WDR91: variants seen among roughly 807,000 people sequenced by gnomAD.
WDR91 encodes WD repeat domain 91.
A neutral mutation model predicts 88.4 loss-of-function variants in WDR91; 52 were observed. The ratio of observed to expected loss-of-function variants is 0.59; its 90% CI spans 0.47 to 0.74. WDR91 has a LOEUF of 0.74. Ranked by LOEUF, WDR91 falls within the 30% of genes least tolerant of loss-of-function variation. The pLI, the probability that WDR91 is intolerant of heterozygous loss-of-function variation, is 0.00. For synonymous variants in WDR91, 362 were observed against 389.5 expected, an observed-to-expected ratio of 0.93 and a Z score of 0.83; for missense variants, 824 against 954.5, an observed-to-expected ratio of 0.86 and a Z score of 1.80.
At position 135,194,403 on chromosome 7, in the gene WDR91, TGTG is replaced by T. The variant is rs1333944128; in HGVS notation, c.1395+528_1395+530del. On this transcript the variant is annotated intron_variant, in intron 9 of 14. Coordinates refer to ENST00000354475, the MANE Select transcript of WDR91 (RefSeq NM_014149.4). The stretch of plus-strand genomic sequence containing the variant: ...AAAACAGGGTTTGCATCTTGGGCTA[TGTG>T]GTATGATCCCCACAAATGAAGTAAA... Among the ~76,000 whole-genome samples the T allele has an allele frequency of 4.6e-5, 7 of 152,344 alleles. 2 individuals are homozygous for T. Among genetic ancestry groups the T allele is most frequent in the African/African-American group, 1.7e-4 (7 of 41,580 alleles).
At chr7:135,208,272 C>A (rs292598) in intron 3 of WDR91, among the ~76,000 whole-genome samples, 99,081 of 151,962 alleles carry the variant, frequency 0.65, 32,913 homozygotes, top group Admixed American at 0.77. Flanking sequence ...TCCCCCTCTC[C>A]AATACCCGCA....
chr7:135,186,121 G>C lies in WDR91; in HGVS notation c.*30C>G. On this transcript the variant is annotated 3_prime_UTR_variant, in exon 15 of 15. Transcript: ENST00000354475. The stretch of plus-strand genomic sequence containing the variant: ...TCCTCCCCCCACCGCAGATAATACT[G>C]CTTCCTCGGGTGGCCCTTGGGGCAA... 1 of 1,567,154 alleles carries C rather than the reference G, an allele frequency of 6.4e-7. No homozygotes were observed. Among genetic ancestry groups the C allele is most frequent in the Non-Finnish European group, 8.6e-7 (1 of 1,160,818 alleles).
At chr7:135,198,234 CG>C (rs1038792734) in intron 6 of WDR91, 83 bp from the exon 7 acceptor site, 16 of 1,164,456 alleles carry the variant, frequency 1.4e-5, no homozygotes, top group Middle Eastern at 3.0e-4. Context: ...CAGCCCTGGG[CG>C]GGGGGGCGTG....
At chr7:135,204,133 A>G (rs1417549613) in intron 6 of WDR91, 135 bp downstream of exon 6, 1 of 993,732 alleles carries the variant, frequency 1.0e-6, no homozygotes, top group Non-Finnish European at 1.4e-6. Flanking sequence ...TTCAATTCAG[A>G]ATCTCATCAA....
chr7:135,193,207 G>C (rs759256676), intron 11 of WDR91, 24 bp downstream of exon 11: 3 of 1,610,784 alleles, frequency 1.9e-6, no homozygotes, highest in Non-Finnish European at 1.7e-6. Context: ...TGGCCCCAGA[G>C]AGAGCCACAG....
chr7:135,189,409 G>A lies in WDR91; in HGVS notation c.1703C>T (p.Thr568Ile), dbSNP rs754202092. 3 of 1,613,960 alleles carry A rather than the reference G, an allele frequency of 1.9e-6. No individual in the cohort carries two copies. The highest frequency in any genetic ancestry group is 2.2e-5 in the South Asian group (2 of 91,064). The change falls in exon 12 of 15, where the codon ACA becomes ATA. Residue 568 changes from threonine to isoleucine, a missense_variant. Physicochemically the swap from Thr to Ile is moderately conservative, Grantham distance 89. Coordinates refer to ENST00000354475, the MANE Select transcript of WDR91 (RefSeq NM_014149.4). ...CAGGTTCCCGTTGTGATTGAAGGCTGTACAGTTGATAGCAATGGGTTCTGG... is the reference window on the plus strand; with the variant it reads ...CAGGTTCCCGTTGTGATTGAAGGCTATACAGTTGATAGCAATGGGTTCTGG... ...LDPEPIAINC[T>I]AFNHNGNLLV... is the part of the protein sequence containing the mutation.
chr7:135,195,068 T>A lies in WDR91; in HGVS notation c.1261A>T (p.Arg421Trp). The part of the protein sequence containing the change: ...IMHCRVDCSG[R>W]RVASLDVDGV... ...TCTACGTCTAAGCTGGCGACTCTCC[T>A]CCCAGAGCAGTCCACTCTGAGATGA... is the stretch of plus-strand genomic sequence containing the variant. The change falls in exon 9 of 15, where the codon AGG (arginine) becomes TGG (tryptophan). Residue 421 changes from arginine (R) to tryptophan (W), a missense_variant. Transcript: ENST00000354475. The A allele has an allele frequency of 6.2e-7, 1 of 1,613,432 alleles. No individual in the cohort carries two copies. The highest frequency in any genetic ancestry group is 1.7e-4 in the Middle Eastern group (1 of 5,842).
intron 6 of WDR91, 74 bp from the exon 7 acceptor site, chr7:135,198,225 A>C: frequency 6.6e-7 from 1 of 1,521,344 alleles, no homozygotes; most frequent in African/African-American, 1.4e-5. Context: ...AGGAGTGGTC[A>C]GCCCTGGGCG....
intron 11 of WDR91, among the ~76,000 whole-genome samples, chr7:135,192,609 G>A (rs1831210830): frequency 6.6e-6 from 1 of 152,194 alleles, no homozygotes; most frequent in Non-Finnish European, 1.5e-5. Flanking sequence ...TGAACATCTG[G>A]AACAGGAACC....
At position 135,193,095 on chromosome 7, in the gene WDR91, A is replaced by G; in HGVS notation, c.1659+136T>C. On this transcript the variant is annotated intron_variant, in intron 11 of 14. Coordinates refer to ENST00000354475, the MANE Select transcript of WDR91 (RefSeq NM_014149.4). Reference sequence around the variant, plus strand: ...CTAACAATCTGCCCAGTTGGAGTACACTACTTTTCAACACTCAAAACTTTA... The same window carrying G: ...CTAACAATCTGCCCAGTTGGAGTACGCTACTTTTCAACACTCAAAACTTTA... 5 of 1,292,810 alleles carry G rather than the reference A, an allele frequency of 3.9e-6. No homozygotes were observed. The South Asian group carries it at 4.4e-5, about 11-fold the overall frequency. The allele number at this position is 1,292,810 out of a possible 1,614,324, so 80.1% of individuals were successfully genotyped here.
chr7:135,203,954 C>T (rs1050359607), intron 6 of WDR91, among the ~76,000 whole-genome samples: 2 of 152,226 alleles, frequency 1.3e-5, no homozygotes, highest in African/African-American at 4.8e-5. Flanking sequence ...ACCACAGTGC[C>T]TGCAGTCTAG....
chr7:135,196,484 G>T lies in WDR91; in HGVS notation c.1051-147C>A. ...GAGAGGAGAGCTCTGACCTGCGAGG[G>T]TAGTGCTCAGCTCACCCTGGGAGAG... On this transcript the variant is annotated intron_variant, in intron 7 of 14. Transcript: ENST00000354475. This position sits in a 1 kb window ranked among gnomAD's most constrained non-coding sequence, Gnocchi z 4.2. 1.3e-6 allele frequency: 1 copy of T among 747,926 alleles called. No individual in the cohort carries two copies. The allele number at this position is 747,926 out of a possible 1,614,324, so 46.3% of individuals were successfully genotyped here. A position where few individuals can be genotyped will look rare whatever the true frequency, so the allele number is the denominator to read the frequency against.
chr7:135,202,210 T>A (rs1286042020), intron 6 of WDR91: 3 of 152,234 alleles, frequency 2.0e-5, no homozygotes, highest in Admixed American at 6.5e-5. Context: ...ATCCAGACAC[T>A]GTACTCCTAT....
intron 3 of WDR91, among the ~76,000 whole-genome samples, chr7:135,207,839 T>C (rs2117721490): frequency 6.6e-6 from 1 of 152,264 alleles, no homozygotes; most frequent in East Asian, 1.9e-4. Flanking sequence ...CTAGAGCCCA[T>C]ATGTGTGTAA....
At chr7:135,189,659 C>T (rs1831088353) in intron 11 of WDR91, among the ~76,000 whole-genome samples, 1 of 152,232 alleles carries the variant, frequency 6.6e-6, no homozygotes, top group South Asian at 2.1e-4. Context: ...TGCCTAAATA[C>T]ATTCTGGTTT....
chr7:135,197,863 T>C (rs1473480723), intron 7 of WDR91, 130 bp downstream of exon 7: 4 of 1,190,632 alleles, frequency 3.4e-6, no homozygotes, highest in South Asian at 1.7e-5. Flanking sequence ...ATACAAGCCA[T>C]TGAAACCAAT....
Position 135,196,039 on chromosome 7 carries a change from C to G in WDR91, c.1244+105G>C. On this transcript the variant is annotated intron_variant, in intron 8 of 14. Coordinates refer to ENST00000354475, the MANE Select transcript of WDR91 (RefSeq NM_014149.4). This position sits in a 1 kb window ranked among gnomAD's most constrained non-coding sequence, Gnocchi z 4.2. ...ACTCTACTGCCATGACTGTGGCCCT[C>G]GTCCAAGCCCCCATTCTCCGCCATC... 8.5e-7 allele frequency: 1 copy of G among 1,175,528 alleles called. No individual in the cohort carries two copies. Among genetic ancestry groups the G allele is most frequent in the Middle Eastern group, 2.1e-4 (1 of 4,810 alleles). The allele number at this position is 1,175,528 out of a possible 1,614,324, so 72.8% of individuals were successfully genotyped here.
Position 135,186,018 on chromosome 7 carries a change from C to T in WDR91, c.*133G>A, listed in dbSNP as rs1830922552. The stretch of plus-strand genomic sequence containing the variant: ...ACCACAGATGGAAGCACCTGAGCCT[C>T]CTTGCCAGTCTTTCCCTGCAGAGTC... On this transcript the variant is annotated 3_prime_UTR_variant, in exon 15 of 15. Transcript: ENST00000354475. 1.8e-6 allele frequency: 2 copies of T among 1,097,818 alleles called. No individual in the cohort carries two copies. Among genetic ancestry groups the T allele is most frequent in the East Asian group, 5.9e-5 (2 of 33,828 alleles). 68.0% of individuals were successfully genotyped at this position (1,097,818 alleles called of 1,614,324 possible). A position where few individuals can be genotyped will look rare whatever the true frequency, so the allele number is the denominator to read the frequency against.
Position 135,207,424 on chromosome 7 carries a change from C to T in WDR91, c.512-222G>A, listed in dbSNP as rs141688934. 181 of 540,472 alleles carry T rather than the reference C, an allele frequency of 3.3e-4. No individual in the cohort carries two copies. The East Asian group carries it at 5.1e-3, about 15-fold the overall frequency. 33.5% of individuals were successfully genotyped at this position (540,472 alleles called of 1,614,324 possible). A position where few individuals can be genotyped will look rare whatever the true frequency, so the allele number is the denominator to read the frequency against. On this transcript the variant is annotated intron_variant, in intron 3 of 14. Transcript: ENST00000354475. ...CATTTCATTCGGACAGATTCACAGA[C>T]GCATGACCATCTGCCTGGCCAGCCC...
Sources: gnomAD v4.1 joint callset for allele counts (sites outside exome capture counted in the v4.1 genomes callset) on GRCh38, gnomAD v4.1.1 for gene constraint, Gnocchi (gnomAD v3.1) non-coding constraint, MANE v1.5 for transcripts, NCBI Gene and HGNC (gene_info 2026-07-23, HGNC 2026-07-21) for gene names.